Variants in MKI67 observed in about 807,000 individuals in gnomAD.
The protein encoded by MKI67 is proliferation marker protein Ki-67.
A neutral mutation model predicts 233.5 loss-of-function variants in MKI67; 152 were observed. The ratio of observed to expected loss-of-function variants is 0.65; its 90% confidence interval spans 0.57 to 0.74. MKI67 has a LOEUF of 0.74. MKI67 is among the 30% of genes least tolerant of loss of function. The probability of loss-of-function intolerance (pLI) is 0.00; values close to 1 mark genes in which losing one functional copy is unlikely to be tolerated. For synonymous variants in MKI67, 1,465 were observed against 1,418.5 expected, an observed-to-expected ratio of 1.03 and a Z score of -0.74; for missense variants, 3,940 against 3,885.2, an observed-to-expected ratio of 1.01 and a Z score of -0.37.
chr10:128,125,957 C>A lies in MKI67; in HGVS notation c.-90+142G>T, dbSNP rs1047075824. On this transcript the variant is annotated intron_variant, in intron 1 of 14. Coordinates refer to ENST00000368654, the MANE Select transcript of MKI67 (RefSeq NM_002417.5). This position sits in a 1 kb window ranked among gnomAD's most constrained non-coding sequence, Gnocchi z 5.3. ...CGCCTGCGCCTCCTGGGAGCTTCCA[C>A]CGAGACGCCCTCGCCAGAGCCCAGG... is the stretch of plus-strand genomic sequence containing the variant. 6.9e-6 allele frequency: 3 copies of A among 433,396 alleles called. No homozygotes were observed. The allele number at this position is 433,396 out of a possible 1,614,324, so 26.8% of individuals were successfully genotyped here.
Position 128,107,144 on chromosome 10 carries a change from C to T in MKI67, c.4696G>A (p.Glu1566Lys), listed in dbSNP as rs1852521267. ...CGTCTCTTGCTGCCAGTTAAGTTCT[C>T]TGTCAGGTCCAGTTTCTGCACTGGA... ...GTPVQKLDLTENLTGSKRRLQ... is the reference protein window; with the variant it reads ...GTPVQKLDLTKNLTGSKRRLQ... The change falls in exon 13 of 15, where the codon GAG (glutamate) becomes AAG (lysine). Residue 1566 changes from glutamate (E) to lysine (K), a missense_variant. Glu to Lys is a moderately conservative substitution (Grantham distance 56, BLOSUM62 1). Coordinates refer to ENST00000368654, the MANE Select transcript of MKI67 (RefSeq NM_002417.5). 6.2e-7 allele frequency: 1 copy of T among 1,613,912 alleles called. No individual in the cohort carries two copies. The highest frequency in any genetic ancestry group is 8.5e-7 in the Non-Finnish European group (1 of 1,180,002).
At chr10:128,118,654 T>C (rs1469033856) in intron 5 of MKI67, among the ~76,000 whole-genome samples, 1 of 152,198 alleles carries the variant, frequency 6.6e-6, no homozygotes, top group African/African-American at 2.4e-5. Context: ...TCTTCCACAC[T>C]GATATACTCA....
rs1852265317 is a variant in MKI67 at position 128,098,629 on chromosome 10, T to G, written c.*561A>C. 1 of 152,200 alleles carries G rather than the reference T, an allele frequency of 6.6e-6. No individual in the cohort carries two copies. The highest frequency in any genetic ancestry group is 2.1e-4 in the South Asian group (1 of 4,828). The allele number at this position is 152,200 out of a possible 1,614,324, so 9.4% of individuals were successfully genotyped here. A position where few individuals can be genotyped will look rare whatever the true frequency, so the allele number is the denominator to read the frequency against. On this transcript the variant is annotated 3_prime_UTR_variant, in exon 15 of 15. Coordinates refer to ENST00000368654, the MANE Select transcript of MKI67 (RefSeq NM_002417.5). ...ATTCTCCAAAGCACAAAACTTTATTTTCAGAAAGGAAAGGACATCAAAAAT... is the reference window on the plus strand; with the variant it reads ...ATTCTCCAAAGCACAAAACTTTATTGTCAGAAAGGAAAGGACATCAAAAAT...
intron 2 of MKI67, among the ~76,000 whole-genome samples, chr10:128,124,574 C>T (rs1853016514): frequency 1.3e-5 from 2 of 152,168 alleles, no homozygotes; most frequent in South Asian, 2.1e-4. Context: ...TGCCAGAATG[C>T]TAGGTATTGA....
At position 128,103,874 on chromosome 10, in the gene MKI67, G is replaced by A; in HGVS notation, c.7966C>T (p.Pro2656Ser). Residue 2656 changes from proline to serine, a missense_variant, in exon 13 of 15, where the codon CCA becomes TCA. Coordinates refer to ENST00000368654, the MANE Select transcript of MKI67 (RefSeq NM_002417.5). ...LKQRAKKKPNPVEEEPSRRRP... is the reference protein window; with the variant it reads ...LKQRAKKKPNSVEEEPSRRRP... ...CTCCTGCTGGGTTCCTCTTCTACTG[G>A]GTTTGGTTTCTTCTTTGCACGTTGC... 6.2e-7 allele frequency: 1 copy of A among 1,613,834 alleles called. No homozygotes were observed. The highest frequency in any genetic ancestry group is 8.5e-7 in the Non-Finnish European group (1 of 1,179,970).
rs1590321926 is a variant in MKI67, at chr10:128,125,331, C to G, written c.92+245G>C. ...TCATCTACATCTTTCTTTACCGCAA[C>G]ATTAGCAAATCGATTTTTTTAATTG... On this transcript the variant is annotated intron_variant, in intron 2 of 14. Transcript: ENST00000368654. This position sits in a 1 kb window ranked among gnomAD's most constrained non-coding sequence, Gnocchi z 5.3. Among the ~76,000 whole-genome samples the G allele has an allele frequency of 1.3e-5, 2 of 152,182 alleles. No individual in the cohort carries two copies. Among genetic ancestry groups the G allele is most frequent in the East Asian group, 3.9e-4 (2 of 5,182 alleles).
chr10:128,124,432 C>T (rs1011458869), intron 2 of MKI67, among the ~76,000 whole-genome samples: 2 of 152,142 alleles, frequency 1.3e-5, no homozygotes, highest in Non-Finnish European at 2.9e-5. Context: ...GCGATGACAG[C>T]GCATGCCCCT....
At position 128,104,572 on chromosome 10, in the gene MKI67, T is replaced by C. The variant is rs1224477531; in HGVS notation, c.7268A>G (p.Gln2423Arg). 20 of 1,613,600 alleles carry C rather than the reference T, an allele frequency of 1.2e-5. No individual in the cohort carries two copies. Among genetic ancestry groups the C allele is most frequent in the Admixed American group, 1.7e-5 (1 of 59,950 alleles). Residue 2423 changes from glutamine to arginine, a missense_variant, in exon 13 of 15, where the codon CAG (glutamine) becomes CGG (arginine). Transcript: ENST00000368654. ...LLGNLPGSKRQPQTPKEKAEA... is the reference protein window; with the variant it reads ...LLGNLPGSKRRPQTPKEKAEA... Reference sequence around the variant, plus strand: ...AGCCTTTTCCTTAGGAGTCTGTGGCTGTCTCTTGCTGCCAGGTAAATTTCC... The same window carrying C: ...AGCCTTTTCCTTAGGAGTCTGTGGCCGTCTCTTGCTGCCAGGTAAATTTCC...
rs768457738 is a variant in MKI67, at chr10:128,106,504, C to T, written c.5336G>A (p.Gly1779Asp). The change falls in exon 13 of 15, where the codon GGC (glycine) becomes GAC (aspartate). Residue 1779 changes from glycine (G) to aspartate (D), a missense_variant. By Grantham distance (94) the Gly-to-Asp change is moderately conservative. Coordinates refer to ENST00000368654, the MANE Select transcript of MKI67 (RefSeq NM_002417.5). ...TGGTTTGGGTGTGTGCATGGCTTTG[C>T]CTGCTGATGGCGTTTGTTTCCTAAA... ...LAFRKQTPSA[G>D]KAMHTPKPAV... 2 of 1,614,076 alleles carry T rather than the reference C, an allele frequency of 1.2e-6. No individual in the cohort carries two copies. The highest frequency in any genetic ancestry group is 1.7e-6 in the Non-Finnish European group (2 of 1,180,024).
chr10:128,121,604 A>ATATG (rs57932073), intron 4 of MKI67, among the ~76,000 whole-genome samples: 1 of 141,810 alleles, frequency 7.1e-6, no homozygotes, highest in East Asian at 2.0e-4. Context: ...TATATATAAT[A>ATATG]ATTATATATT....
intron 14 of MKI67, 39 bp from the exon 15 acceptor site, chr10:128,099,294 T>A (rs1852281857): frequency 6.4e-7 from 1 of 1,551,898 alleles, no homozygotes; most frequent in Non-Finnish European, 8.8e-7. Flanking sequence ...TTAAGTAATT[T>A]AAACACCCAT....
At chr10:128,113,726 C>T (rs1412119103) in intron 7 of MKI67, 124 bp from the exon 8 acceptor site, 20 of 805,356 alleles carry the variant, frequency 2.5e-5, no homozygotes, top group African/African-American at 3.5e-5. Context: ...ACCTACAGCA[C>T]GCCTCTATTC....
rs757610980 is a variant in MKI67 at position 128,111,609 on chromosome 10, T to C, written c.2260+36A>G. The stretch of plus-strand genomic sequence containing the variant: ...ATTAACACAGTAAAAAACAGTAGAG[T>C]CAAAAGATTTATAAGATCTAAGACT... On this transcript the variant is annotated intron_variant, in intron 11 of 14. Coordinates refer to ENST00000368654, the MANE Select transcript of MKI67 (RefSeq NM_002417.5). The C allele has an allele frequency of 2.3e-5, 36 of 1,546,420 alleles. No homozygotes were observed. In the Middle Eastern group the frequency reaches 1.0e-3, roughly 45 times the overall value.
In MKI67 at chr10:128,102,963, G is replaced by A. The variant is rs1852371621; in HGVS notation, c.8877C>T (p.Ser2959=). The A allele has an allele frequency of 6.2e-7, 1 of 1,614,096 alleles. No homozygotes were observed. The highest frequency in any genetic ancestry group is 8.5e-7 in the Non-Finnish European group (1 of 1,180,046). The change falls in exon 13 of 15, where the codon TCC becomes TCT. Residue 2959 remains serine (S), a synonymous_variant. Transcript: ENST00000368654. The part of the protein sequence containing the change: ...TPDSGKPLKI[S]RRVLRAPKVE... ...CTTTAGGGGCCCGAAGAACTCTTCT[G>A]GATATTTTTAGAGGTTTTCCACTGT...
Position 128,125,530 on chromosome 10 carries a change from T to C in MKI67, c.92+46A>G. The C allele has an allele frequency of 6.7e-7, 1 of 1,492,744 alleles. No individual in the cohort carries two copies. Among genetic ancestry groups the C allele is most frequent in the Non-Finnish European group, 9.3e-7 (1 of 1,071,938 alleles). 92.5% of individuals were successfully genotyped at this position (1,492,744 alleles called of 1,614,324 possible). On this transcript the variant is annotated intron_variant, in intron 2 of 14. Coordinates refer to ENST00000368654, the MANE Select transcript of MKI67 (RefSeq NM_002417.5). This position sits in a 1 kb window ranked among gnomAD's most constrained non-coding sequence, Gnocchi z 5.3. Reference sequence around the variant, plus strand: ...GACTTTATTCTGTGACTAAGGTATTTTCCTCTTTCTCAGCTAAAACGTCCG... The same window carrying C: ...GACTTTATTCTGTGACTAAGGTATTCTCCTCTTTCTCAGCTAAAACGTCCG...
In MKI67 at chr10:128,107,082, T is replaced by G. The variant is rs774076334; in HGVS notation, c.4758A>C (p.Glu1586Asp). 1.9e-6 allele frequency: 3 copies of G among 1,614,096 alleles called. No homozygotes were observed. The Admixed American group carries it at 5.0e-5, about 27-fold the overall frequency. The change falls in exon 13 of 15, where the codon GAA becomes GAC. Residue 1586 changes from glutamate (E) to aspartate (D), a missense_variant. By Grantham distance (45) the Glu-to-Asp change is conservative. Coordinates refer to ENST00000368654, the MANE Select transcript of MKI67 (RefSeq NM_002417.5). ...AGAGCTCTTTAAAGCCAGCCAGGTC[T>G]TCTAGAGCCTGGGCCTTTTCCTTAG... ...QTPKEKAQAL[E>D]DLAGFKELFQ...
Position 128,096,752 on chromosome 10 carries a change from T to C in MKI67, c.*2438A>G, listed in dbSNP as rs1434562816. The C allele has an allele frequency of 6.6e-6, 1 of 152,218 alleles. No homozygotes were observed. The highest frequency in any genetic ancestry group is 1.5e-5 in the Non-Finnish European group (1 of 68,056). 9.4% of individuals were successfully genotyped at this position (152,218 alleles called of 1,614,324 possible). On this transcript the variant is annotated 3_prime_UTR_variant, in exon 15 of 15. Transcript: ENST00000368654. ...AGGAAATGCAGTCGGCCCTCATGAA[T>C]GAACAAAACTTACAACCCCAGGAGG...
intron 14 of MKI67, among the ~76,000 whole-genome samples, chr10:128,100,198 C>A (rs1852308149): frequency 6.6e-6 from 1 of 152,154 alleles, no homozygotes; most frequent in Admixed American, 6.5e-5. Flanking sequence ...ACTTAGGACA[C>A]CTGTGTGGGC....
rs1852570092 is a variant in MKI67, at chr10:128,108,274, G to A, written c.3566C>T (p.Ala1189Val). Residue 1189 changes from alanine to valine, a missense_variant, in exon 13 of 15, where the codon GCA becomes GTA. By Grantham distance (64) the Ala-to-Val change is moderately conservative (BLOSUM62 0). Coordinates refer to ENST00000368654, the MANE Select transcript of MKI67 (RefSeq NM_002417.5). ...PAGGDEKDIK[A>V]FMGTPVQKLD... Reference sequence around the variant, plus strand: ...TTTCTGCACTGGAGTTCCCATAAATGCTTTAATGTCTTTCTCATCACCTCC... The same window carrying A: ...TTTCTGCACTGGAGTTCCCATAAATACTTTAATGTCTTTCTCATCACCTCC... 1 of 1,613,592 alleles carries A rather than the reference G, an allele frequency of 6.2e-7. No individual in the cohort carries two copies. The highest frequency in any genetic ancestry group is 8.5e-7 in the Non-Finnish European group (1 of 1,179,900).
Sources: gnomAD v4.1 joint callset for allele counts (sites outside exome capture counted in the v4.1 genomes callset) on GRCh38, gnomAD v4.1.1 for gene constraint, Gnocchi (gnomAD v3.1) non-coding constraint, MANE v1.5 for transcripts, NCBI Gene and HGNC (gene_info 2026-07-23, HGNC 2026-07-21) for gene names.